Variants in TGFBR1 observed in about 807,000 individuals in gnomAD.
TGFBR1 encodes the protein TGF-beta receptor type-1.
A neutral mutation model predicts 55.1 loss-of-function variants in TGFBR1; 20 were observed. The ratio of observed to expected loss-of-function variants is 0.36; its 90% CI spans 0.26 to 0.53. The LOEUF is 0.53. Ranked by LOEUF, TGFBR1 falls within the 20% of genes least tolerant of loss-of-function variation. The probability of loss-of-function intolerance (pLI) is 0.91; values close to 1 mark genes in which losing one functional copy is unlikely to be tolerated. For synonymous variants in TGFBR1, 220 were observed against 214.8 expected, an observed-to-expected ratio of 1.02 and a Z score of -0.21; for missense variants, 385 against 617.6, an observed-to-expected ratio of 0.62 and a Z score of 3.99.
chr9:99,135,284 T>A (rs747288798), intron 3 of TGFBR1, among the ~76,000 whole-genome samples: 14 of 152,148 alleles, frequency 9.2e-5, no homozygotes, highest in Non-Finnish European at 1.6e-4. Flanking sequence ...TGGTGAATAA[T>A]AGCAGAAAAT....
At chr9:99,147,812 A>G (rs1827847579) in intron 8 of TGFBR1, 28 bp downstream of exon 8, 1 of 1,613,232 alleles carries the variant, frequency 6.2e-7, no homozygotes, top group African/African-American at 1.3e-5. Flanking sequence ...ATATTAGGCA[A>G]TTTTCTAAAC....
chr9:99,119,009 G>A (rs1197934291), intron 1 of TGFBR1, among the ~76,000 whole-genome samples: 1 of 147,224 alleles, frequency 6.8e-6, no homozygotes, highest in Admixed American at 6.7e-5. Context: ...TGAATCTGAG[G>A]GCAGGAATCT....
rs114912407 is a variant in TGFBR1, at chr9:99,146,853, C to T, written c.1255+244C>T. On this transcript the variant is annotated intron_variant, in intron 7 of 8. Transcript: ENST00000374994. Reference sequence around the variant, plus strand: ...ATTTGAATCTGGAGACTCATCAGAACCCAACCCCTTGTTATATTGGAATAT... The same window carrying T: ...ATTTGAATCTGGAGACTCATCAGAATCCAACCCCTTGTTATATTGGAATAT... Among the ~76,000 whole-genome samples the T allele has an allele frequency of 2.4e-3, 358 of 152,250 alleles. 3 individuals carry two copies. The highest frequency in any genetic ancestry group is 8.1e-3 in the African/African-American group (337 of 41,560).
intron 1 of TGFBR1, among the ~76,000 whole-genome samples, chr9:99,116,249 C>G (rs1826734529): frequency 6.6e-6 from 1 of 151,202 alleles, no homozygotes; most frequent in South Asian, 2.1e-4. Context: ...CAGATCCAGC[C>G]TGCTCTTGCC....
intron 1 of TGFBR1, among the ~76,000 whole-genome samples, chr9:99,125,400 A>T (rs78740043): frequency 1.3e-5 from 2 of 152,254 alleles, no homozygotes; most frequent in Non-Finnish European, 2.9e-5. Flanking sequence ...ATTGCTGGAA[A>T]TGAGAATGGA....
chr9:99,116,947 A>T (rs1588565244), intron 1 of TGFBR1, among the ~76,000 whole-genome samples: 1 of 152,234 alleles, frequency 6.6e-6, no homozygotes, highest in Non-Finnish European at 1.5e-5. Context: ...ATATTATAAA[A>T]ATGCAAATAT....
intron 1 of TGFBR1, among the ~76,000 whole-genome samples, chr9:99,118,298 A>T (rs1266795858): frequency 6.6e-6 from 1 of 152,164 alleles, no homozygotes; most frequent in Non-Finnish European, 1.5e-5. Context: ...GTGTCTTTCC[A>T]GTCTATCTTC....
At chr9:99,116,718 A>T (rs1213667566) in intron 1 of TGFBR1, among the ~76,000 whole-genome samples, 1 of 152,144 alleles carries the variant, frequency 6.6e-6, no homozygotes, top group Non-Finnish European at 1.5e-5. Flanking sequence ...TATCAATGCT[A>T]CCAGCAATTG....
intron 7 of TGFBR1, among the ~76,000 whole-genome samples, chr9:99,147,280 G>A (rs1257151877): frequency 6.6e-6 from 1 of 152,176 alleles, no homozygotes; most frequent in African/African-American, 2.4e-5. Flanking sequence ...TAAGATTCAA[G>A]TCTCACTGAT....
chr9:99,151,385 G>GTTTTTTTTTTTTTTT lies in TGFBR1; in HGVS notation c.*2080_*2081insTTTTTTTTTTTTTTT, dbSNP rs1564182997. The GTTTTTTTTTTTTTTT allele has an allele frequency of 4.5e-6, 1 of 220,090 alleles. No homozygotes were observed. The highest frequency in any genetic ancestry group is 2.4e-5 in the African/African-American group (1 of 41,814). The allele number at this position is 220,090 out of a possible 1,614,324, so 13.6% of individuals were successfully genotyped here. On this transcript the variant is annotated 3_prime_UTR_variant, in exon 9 of 9. Coordinates refer to ENST00000374994, the MANE Select transcript of TGFBR1 (RefSeq NM_004612.4). Reference sequence around the variant, plus strand: ...TGTGATCAGGTACTTTTTTTGTGGGGGTTTTTTTTTTGTTTTTTTTTTTTT... The same window carrying GTTTTTTTTTTTTTTT: ...TGTGATCAGGTACTTTTTTTGTGGGGTTTTTTTTTTTTTTTGTTTTTTTTTTGTTTTTTTTTTTTT...
intron 4 of TGFBR1, among the ~76,000 whole-genome samples, chr9:99,141,857 G>A (rs1008825401): frequency 5.3e-5 from 8 of 152,172 alleles, no homozygotes; most frequent in African/African-American, 9.7e-5. Context: ...TGGAACCCAC[G>A]TTCCTCGTTG....
rs1259930180 is a variant in TGFBR1 at position 99,142,583 on chromosome 9, C to T, written c.853C>T (p.His285Tyr). 1 of 1,614,080 alleles carries T rather than the reference C, an allele frequency of 6.2e-7. No homozygotes were observed. The highest frequency in any genetic ancestry group is 8.5e-7 in the Non-Finnish European group (1 of 1,179,954). Residue 285 changes from histidine to tyrosine, a missense_variant, in exon 5 of 9, where the codon CAT becomes TAT. His to Tyr is a moderately conservative substitution (Grantham distance 83). Transcript: ENST00000374994. ...QLWLVSDYHE[H>Y]GSLFDYLNRY... Reference sequence around the variant, plus strand: ...CTGGTTGGTGTCAGATTATCATGAGCATGGATCCCTTTTTGATTACTTAAA... The same window carrying T: ...CTGGTTGGTGTCAGATTATCATGAGTATGGATCCCTTTTTGATTACTTAAA...
chr9:99,139,964 T>C (rs1161246249), intron 4 of TGFBR1, among the ~76,000 whole-genome samples: 1 of 152,240 alleles, frequency 6.6e-6, no homozygotes, highest in African/African-American at 2.4e-5. Flanking sequence ...TGAAAACTGG[T>C]AGTTAGATTT....
intron 4 of TGFBR1, among the ~76,000 whole-genome samples, chr9:99,138,413 C>G (rs1357251811): frequency 2.0e-5 from 3 of 152,178 alleles, no homozygotes; most frequent in African/African-American, 7.2e-5. Flanking sequence ...GATATATAAA[C>G]TTGCTCAAAA....
At chr9:99,145,410 A>T (rs1827760091) in intron 6 of TGFBR1, among the ~76,000 whole-genome samples, 1 of 152,128 alleles carries the variant, frequency 6.6e-6, no homozygotes, top group Non-Finnish European at 1.5e-5. Context: ...CCTGCCAGGG[A>T]CTGTCATAGC....
chr9:99,145,932 A>G (rs1045182548), intron 6 of TGFBR1: 10 of 167,334 alleles, frequency 6.0e-5, no homozygotes, highest in African/African-American at 2.4e-4. Context: ...AGATCAGACG[A>G]GATCGGGCGT....
intron 3 of TGFBR1, 81 bp from the exon 4 acceptor site, chr9:99,137,778 G>A: frequency 9.0e-7 from 1 of 1,112,420 alleles, no homozygotes; most frequent in Non-Finnish European, 1.4e-6. Flanking sequence ...AGTTTTCTGG[G>A]TCACTCATTA....
chr9:99,131,292 A>G (rs1306460301), intron 2 of TGFBR1, among the ~76,000 whole-genome samples: 2 of 152,116 alleles, frequency 1.3e-5, no homozygotes, highest in Admixed American at 1.3e-4. Context: ...AAAATTCTTG[A>G]AATAGGCCAA....
chr9:99,113,723 T>C (rs1393609940), intron 1 of TGFBR1, among the ~76,000 whole-genome samples: 1 of 152,206 alleles, frequency 6.6e-6, no homozygotes, highest in East Asian at 1.9e-4. Flanking sequence ...AGTGAAAGAA[T>C]GTCTTCTGAA....
Sources: gnomAD v4.1 joint callset for allele counts (sites outside exome capture counted in the v4.1 genomes callset) on GRCh38, gnomAD v4.1.1 for gene constraint, MANE v1.5 for transcripts, NCBI Gene and HGNC (gene_info 2026-07-23, HGNC 2026-07-21) for gene names.